Variants in PLCXD3 observed in about 807,000 individuals in gnomAD.
The protein encoded by PLCXD3 is PI-PLC X domain-containing protein 3.
In PLCXD3, 19 loss-of-function variants were observed where a neutral mutation model predicts 25.5. The ratio of observed to expected loss-of-function variants is 0.75; its 90% CI spans 0.52 to 1.09. The LOEUF (loss-of-function observed/expected upper bound fraction) is 1.09. PLCXD3 is among the 50% of genes least tolerant of loss of function. The pLI, the probability that PLCXD3 is intolerant of heterozygous loss-of-function variation, is 0.00. For synonymous variants in PLCXD3, 174 were observed against 137.6 expected (o/e 1.26, Z -1.85); for missense variants, 411 against 388.1 (o/e 1.06, Z -0.50).
At chr5:41,470,998 A>G (rs1748143842) in intron 1 of PLCXD3, among the ~76,000 whole-genome samples, 1 of 152,196 alleles carries the variant, frequency 6.6e-6, no homozygotes. Context: ...AAGAGACCTC[A>G]GTATAGAACT....
chr5:41,418,370 G>A (rs1223461487), intron 1 of PLCXD3, among the ~76,000 whole-genome samples: 1 of 152,018 alleles, frequency 6.6e-6, no homozygotes, highest in Non-Finnish European at 1.5e-5. Context: ...CACACCCTGG[G>A]GTCTGCTCTC....
intron 2 of PLCXD3, among the ~76,000 whole-genome samples, chr5:41,372,719 T>G (rs1745140215): frequency 6.6e-6 from 1 of 151,994 alleles, no homozygotes; most frequent in Non-Finnish European, 1.5e-5. Flanking sequence ...TACCCCCTTC[T>G]TGACCAAAAG....
At chr5:41,385,554 G>A (rs887813225) in intron 1 of PLCXD3, among the ~76,000 whole-genome samples, 2 of 152,046 alleles carry the variant, frequency 1.3e-5, no homozygotes, top group Non-Finnish European at 2.9e-5. Context: ...GTGATAAATT[G>A]TACCCTCATT....
intron 2 of PLCXD3, among the ~76,000 whole-genome samples, chr5:41,327,145 G>A (rs1334852941): frequency 6.6e-6 from 1 of 152,162 alleles, no homozygotes; most frequent in Non-Finnish European, 1.5e-5. Flanking sequence ...GAAGGTGAAG[G>A]AAGGTATCAT....
At chr5:41,472,083 A>G (rs913668793) in intron 1 of PLCXD3, among the ~76,000 whole-genome samples, 1 of 150,788 alleles carries the variant, frequency 6.6e-6, no homozygotes, top group Non-Finnish European at 1.5e-5. Flanking sequence ...AATTCCAGAA[A>G]AATGCCACAT....
At chr5:41,358,146 T>C (rs1190798047) in intron 2 of PLCXD3, among the ~76,000 whole-genome samples, 1 of 152,146 alleles carries the variant, frequency 6.6e-6, no homozygotes, top group Non-Finnish European at 1.5e-5. Flanking sequence ...TGCTTCACGG[T>C]AGTCTTGAGA....
chr5:41,348,059 A>G (rs1205765287), intron 2 of PLCXD3, among the ~76,000 whole-genome samples: 3 of 152,228 alleles, frequency 2.0e-5, no homozygotes, highest in Admixed American at 2.0e-4. Context: ...TTGGAGAAAC[A>G]AATACTTTTT....
rs1398053207 is a variant in PLCXD3 at position 41,309,817 on chromosome 5, T to C, written c.*3800A>G. On this transcript the variant is annotated 3_prime_UTR_variant, in exon 3 of 3. Transcript: ENST00000377801. ...CTGTTCGTGCCAGGCATTTTCTATT[T>C]CTGATGGCCTCACTTTTCATTGGTT... is the stretch of plus-strand genomic sequence containing the variant. 1 of 152,176 alleles carries C rather than the reference T, an allele frequency of 6.6e-6. No individual in the cohort carries two copies. Among genetic ancestry groups the C allele is most frequent in the Non-Finnish European group, 1.5e-5 (1 of 68,006 alleles). The allele number at this position is 152,176 out of a possible 1,614,324, so 9.4% of individuals were successfully genotyped here. A position where few individuals can be genotyped will look rare whatever the true frequency, so the allele number is the denominator to read the frequency against.
intron 2 of PLCXD3, among the ~76,000 whole-genome samples, chr5:41,364,342 T>A (rs1417352817): frequency 6.6e-6 from 1 of 152,222 alleles, no homozygotes; most frequent in Non-Finnish European, 1.5e-5. Flanking sequence ...TTAAGACCCC[T>A]GTGTCCTCAT....
At chr5:41,471,145 C>A (rs1748147892) in intron 1 of PLCXD3, among the ~76,000 whole-genome samples, 1 of 152,172 alleles carries the variant, frequency 6.6e-6, no homozygotes, top group Non-Finnish European at 1.5e-5. Context: ...ACTGATAGTA[C>A]CCTCTGCAAG....
intron 2 of PLCXD3, among the ~76,000 whole-genome samples, chr5:41,340,674 T>G (rs1744113824): frequency 6.6e-6 from 1 of 152,140 alleles, no homozygotes; most frequent in Non-Finnish European, 1.5e-5. Context: ...CCAAAGCAGT[T>G]AAAGTCTCTC....
intron 1 of PLCXD3, among the ~76,000 whole-genome samples, chr5:41,395,360 T>C (rs972660642): frequency 1.2e-4 from 18 of 151,972 alleles, no homozygotes; most frequent in Non-Finnish European, 1.5e-4. Context: ...TATAAGTGCC[T>C]ACATCAAAAC....
chr5:41,336,644 C>T (rs1743988586), intron 2 of PLCXD3, among the ~76,000 whole-genome samples: 1 of 152,112 alleles, frequency 6.6e-6, no homozygotes, highest in Admixed American at 6.6e-5. Flanking sequence ...AACTAAGTTT[C>T]TGTCTGAGAA....
intron 1 of PLCXD3, among the ~76,000 whole-genome samples, chr5:41,389,001 G>A (rs1745726882): frequency 6.6e-6 from 1 of 151,204 alleles, no homozygotes; most frequent in African/African-American, 2.4e-5. Flanking sequence ...ATATATACAA[G>A]CACACTCATA....
At chr5:41,340,796 T>C (rs1580311295) in intron 2 of PLCXD3, among the ~76,000 whole-genome samples, 1 of 152,192 alleles carries the variant, frequency 6.6e-6, no homozygotes, top group African/African-American at 2.4e-5. Context: ...TTGTTGCTAA[T>C]TTTATTGGGA....
intron 1 of PLCXD3, among the ~76,000 whole-genome samples, chr5:41,414,244 AT>A: frequency 6.6e-6 from 1 of 150,834 alleles, no homozygotes; most frequent in South Asian, 2.1e-4. Context: ...ATTTATTATT[AT>A]TTTTTTGAGA....
chr5:41,447,533 G>C (rs1249468216), intron 1 of PLCXD3, among the ~76,000 whole-genome samples: 1 of 152,148 alleles, frequency 6.6e-6, no homozygotes, highest in Non-Finnish European at 1.5e-5. Context: ...ACACTCACAG[G>C]CCCTGTTTGA....
chr5:41,353,109 T>C (rs1201037692), intron 2 of PLCXD3, among the ~76,000 whole-genome samples: 1 of 151,604 alleles, frequency 6.6e-6, no homozygotes, highest in Non-Finnish European at 1.5e-5. Context: ...TTTTTTTTTT[T>C]TGAGACAGAG....
intron 1 of PLCXD3, among the ~76,000 whole-genome samples, chr5:41,392,243 C>A (rs1324531808): frequency 2.6e-5 from 4 of 152,126 alleles, no homozygotes; most frequent in Admixed American, 2.6e-4. Flanking sequence ...GCTTTTCTGA[C>A]TTCAGGTCTG....
Sources: gnomAD v4.1 joint callset for allele counts (sites outside exome capture counted in the v4.1 genomes callset) on GRCh38, gnomAD v4.1.1 for gene constraint, MANE v1.5 for transcripts, NCBI Gene and HGNC (gene_info 2026-07-23, HGNC 2026-07-21) for gene names.